Variants in DAPK2 observed in about 807,000 individuals in gnomAD.
The protein encoded by DAPK2 is death associated protein kinase 2, also known as death-associated protein kinase 2.
A neutral mutation model predicts 44.1 loss-of-function variants in DAPK2; 35 were observed. The ratio of observed to expected loss-of-function variants is 0.79; its 90% CI spans 0.61 to 1.05. The LOEUF is 1.05. Among genes scored for constraint, DAPK2 ranks in the 50% least tolerant of loss-of-function variants. The pLI, the probability that DAPK2 is intolerant of heterozygous loss-of-function variation, is 0.00. For missense variants in DAPK2, 453 were observed against 483.2 expected, an observed-to-expected ratio of 0.94 and a Z score of 0.59; for synonymous variants, 174 against 182.6, an observed-to-expected ratio of 0.95 and a Z score of 0.38.
chr15:64,012,561 G>A (rs549798381), intron 1 of DAPK2, among the ~76,000 whole-genome samples: 72 of 152,190 alleles, frequency 4.7e-4, no homozygotes, highest in Non-Finnish European at 8.8e-4. Flanking sequence ...TCCATAACAG[G>A]TGGTCTATGC....
At position 63,939,379 on chromosome 15, in the gene DAPK2, GAAAA is replaced by G; in HGVS notation, c.454-22_454-19del. 5.0e-6 allele frequency: 5 copies of G among 990,898 alleles called. No homozygotes were observed. The highest frequency in any genetic ancestry group is 6.7e-6 in the Non-Finnish European group (5 of 749,688). The allele number at this position is 990,898 out of a possible 1,614,324, so 61.4% of individuals were successfully genotyped here. ...TTTTCTGGCTGGACAACAAAAAGTAGAAAAAAAAAAAAGGAAGGAAGAAAAGAAA... is the reference window on the plus strand; with the variant it reads ...TTTTCTGGCTGGACAACAAAAAGTAGAAAAAAAAGGAAGGAAGAAAAGAAA... On this transcript the variant is annotated intron_variant, in intron 3 of 10. Coordinates refer to ENST00000261891, the Ensembl canonical transcript of DAPK2. The surrounding 1 kb of genome is among the most constrained non-coding windows in gnomAD (Gnocchi z 4.3).
chr15:63,993,777 TG>T (rs2078878125), intron 1 of DAPK2, among the ~76,000 whole-genome samples: 1 of 152,152 alleles, frequency 6.6e-6, no homozygotes, highest in African/African-American at 2.4e-5. Context: ...AATGAAGGAT[TG>T]GACCAAGATA....
intron 3 of DAPK2, among the ~76,000 whole-genome samples, chr15:63,955,522 C>A (rs1056461009): frequency 6.6e-6 from 1 of 152,136 alleles, no homozygotes; most frequent in Admixed American, 6.5e-5. Context: ...ATTCCCCCCT[C>A]CATTTTTCAG....
chr15:63,930,229 G>A (rs1272547723), intron 5 of DAPK2, among the ~76,000 whole-genome samples, 178 bp downstream of exon 6: 1 of 152,242 alleles, frequency 6.6e-6, no homozygotes, highest in Non-Finnish European at 1.5e-5. Context: ...TCCAGGCCTA[G>A]AGACCTCCAG....
intron 4 of DAPK2, among the ~76,000 whole-genome samples, chr15:63,934,341 C>T (rs183128775): frequency 1.4e-4 from 20 of 144,748 alleles, no homozygotes; most frequent in African/African-American, 4.7e-4. Context: ...ACTGCAACCT[C>T]TGCCTCCTGG....
At chr15:63,982,208 T>TG (rs2078535693) in intron 2 of DAPK2, among the ~76,000 whole-genome samples, 1 of 150,228 alleles carries the variant, frequency 6.7e-6, no homozygotes. Flanking sequence ...TTTTTTTTTT[T>TG]CCGAGATGGA....
chr15:63,982,187 CTTTTTTTT>C (rs5813271), intron 2 of DAPK2, among the ~76,000 whole-genome samples: 1 of 107,874 alleles, frequency 9.3e-6, no homozygotes, highest in Non-Finnish European at 1.8e-5. Context: ...TCAGAATATT[CTTTTTTTT>C]TTTTTTTTTT....
At chr15:64,031,180 T>C (rs571516428) in intron 1 of DAPK2, among the ~76,000 whole-genome samples, 18 of 152,206 alleles carry the variant, frequency 1.2e-4, no homozygotes, top group African/African-American at 4.1e-4. Flanking sequence ...CCAAGTCCAA[T>C]TGTTCTGAAA....
chr15:64,001,178 G>C (rs1051498431), intron 1 of DAPK2, among the ~76,000 whole-genome samples: 1 of 149,340 alleles, frequency 6.7e-6, no homozygotes, highest in African/African-American at 2.5e-5. Context: ...CACCCGGCCA[G>C]AGTCAACACT....
At chr15:63,930,306 A>G in intron 5 of DAPK2, 101 bp downstream of exon 6, 1 of 1,144,562 alleles carries the variant, frequency 8.7e-7, no homozygotes, top group South Asian at 1.2e-5. Context: ...AGTGTGGAGT[A>G]AGGGGCTTTC....
chr15:64,031,704 T>C (rs2080021267), intron 1 of DAPK2, among the ~76,000 whole-genome samples: 1 of 152,244 alleles, frequency 6.6e-6, no homozygotes. Flanking sequence ...TGAGATTTTC[T>C]GTGTCACACA....
chr15:64,007,206 C>A (rs1353728991), intron 1 of DAPK2, among the ~76,000 whole-genome samples: 2 of 152,002 alleles, frequency 1.3e-5, no homozygotes, highest in Non-Finnish European at 2.9e-5. Flanking sequence ...CTCCAGTGAT[C>A]CTCCCACCTC....
chr15:63,963,489 T>C (rs769147040), intron 3 of DAPK2, among the ~76,000 whole-genome samples: 25 of 152,242 alleles, frequency 1.6e-4, no homozygotes, highest in Admixed American at 7.2e-4. Flanking sequence ...TTTTGTTTTT[T>C]AATCCATTCA....
rs557192861 is a variant in DAPK2 at position 63,991,622 on chromosome 15, G to A, written c.93-7868C>T. On this transcript the variant is annotated intron_variant, in intron 1 of 10. Transcript: ENST00000261891. ...ACCGCCCCCACCCATGAGGCCTAAAGGGGCTTCAGGGAACCCCAAAAGCTC... is the reference window on the plus strand; with the variant it reads ...ACCGCCCCCACCCATGAGGCCTAAAAGGGCTTCAGGGAACCCCAAAAGCTC... Among the ~76,000 whole-genome samples, 4 of 152,290 alleles carry A rather than the reference G, an allele frequency of 2.6e-5. No individual in the cohort carries two copies. The South Asian group carries it at 8.3e-4, about 32-fold the overall frequency.
chr15:64,042,854 C>A (rs1161478329), upstream of DAPK2, among the ~76,000 whole-genome samples: 1 of 152,210 alleles, frequency 6.6e-6, no homozygotes, highest in African/African-American at 2.4e-5. The surrounding 1 kb of genome is among the most constrained non-coding windows in gnomAD (Gnocchi z 4.7). Flanking sequence ...CAAGACCCAG[C>A]CAAATGCTAC....
At position 63,908,332 on chromosome 15, in the gene DAPK2, C is replaced by T. The variant is rs1168779505; in HGVS notation, c.*188G>A. ...TTTGGGAATGCTGGAGCCTCCTCCA[C>T]AGAAGACAGCCACAGCTCCCAGGGT... On this transcript the variant is annotated 3_prime_UTR_variant, in exon 11 of 11. Coordinates refer to ENST00000261891, the Ensembl canonical transcript of DAPK2. The surrounding 1 kb of genome is among the most constrained non-coding windows in gnomAD (Gnocchi z 5.7). The T allele has an allele frequency of 4.7e-6, 2 of 425,984 alleles. No individual in the cohort carries two copies. Among genetic ancestry groups the T allele is most frequent in the Non-Finnish European group, 8.3e-6 (2 of 240,382 alleles). 26.4% of individuals were successfully genotyped at this position (425,984 alleles called of 1,614,324 possible).
At chr15:64,001,400 G>A (rs945115668) in intron 1 of DAPK2, among the ~76,000 whole-genome samples, 3 of 152,146 alleles carry the variant, frequency 2.0e-5, no homozygotes, top group Admixed American at 6.5e-5. Context: ...CTCCTACCCC[G>A]AGATGGGGCT....
At position 63,980,098 on chromosome 15, in the gene DAPK2, G is replaced by A. The variant is rs560575130; in HGVS notation, c.314+3435C>T. Among the ~76,000 whole-genome samples the A allele has an allele frequency of 6.6e-6, 1 of 152,294 alleles. No individual in the cohort carries two copies. The highest frequency in any genetic ancestry group is 2.4e-5 in the African/African-American group (1 of 41,564). ...GAGAACAATGAGACAGCTTGGAAGTGAAGGGGGAGACAGAAACGGGACAGA... is the reference window on the plus strand; with the variant it reads ...GAGAACAATGAGACAGCTTGGAAGTAAAGGGGGAGACAGAAACGGGACAGA... On this transcript the variant is annotated intron_variant, in intron 2 of 10. Coordinates refer to ENST00000261891, the Ensembl canonical transcript of DAPK2. The surrounding 1 kb of genome is among the most constrained non-coding windows in gnomAD (Gnocchi z 4.3).
At chr15:64,032,499 G>A (rs528522676) in intron 1 of DAPK2, among the ~76,000 whole-genome samples, 5 of 152,266 alleles carry the variant, frequency 3.3e-5, no homozygotes, top group South Asian at 2.1e-4. Flanking sequence ...CATCTCATAC[G>A]GCCATTAGTG....
Sources: allele counts gnomAD v4.1 joint callset (sites outside exome capture counted in the v4.1 genomes callset), GRCh38; gene constraint gnomAD v4.1.1; non-coding constraint Gnocchi (gnomAD v3.1); transcripts MANE v1.5; gene names NCBI Gene and HGNC (gene_info 2026-07-23, HGNC 2026-07-21).